The following PRMT8 variants were observed in gnomAD, a reference collection of about 807,000 sequenced individuals.
PRMT8 encodes the protein protein arginine N-methyltransferase 8.
PRMT8 carries 7 observed loss-of-function variants against 47.1 expected under a neutral mutation model. That is an observed-to-expected ratio of 0.15 (90% CI 0.08 to 0.28). The LOEUF (loss-of-function observed/expected upper bound fraction) is 0.28. Ranked by LOEUF, PRMT8 falls within the 10% of genes least tolerant of loss-of-function variation. The probability of loss-of-function intolerance (pLI) is 1.00; values close to 1 mark genes in which losing one functional copy is unlikely to be tolerated. For synonymous variants in PRMT8, 188 were observed against 186.5 expected, an observed-to-expected ratio of 1.01 and a Z score of -0.07; for missense variants, 237 against 505.4, an observed-to-expected ratio of 0.47 and a Z score of 5.09.
intron 1 of PRMT8, among the ~76,000 whole-genome samples, chr12:3,475,292 G>A (rs577258409): frequency 1.5e-3 from 228 of 152,304 alleles, no homozygotes; most frequent in Middle Eastern, 3.4e-3. Context: ...GGGAAGGGCA[G>A]AAAAAAGTCC....
chr12:3,591,813 C>T (rs909066860), intron 8 of PRMT8, among the ~76,000 whole-genome samples: 1 of 152,130 alleles, frequency 6.6e-6, no homozygotes, highest in African/African-American at 2.4e-5. Context: ...GATAGGAGGG[C>T]CTACTCTACA....
intron 1 of PRMT8, among the ~76,000 whole-genome samples, chr12:3,494,626 C>G (rs543030841): frequency 8.5e-5 from 13 of 152,096 alleles, no homozygotes; most frequent in Non-Finnish European, 1.8e-4. Flanking sequence ...AGAAAGTGTT[C>G]GTTCAAAAGC....
chr12:3,517,461 A>G (rs1486356524), intron 1 of PRMT8, among the ~76,000 whole-genome samples: 1 of 152,214 alleles, frequency 6.6e-6, no homozygotes, highest in Non-Finnish European at 1.5e-5. Flanking sequence ...AGACAGCGAA[A>G]GTGACACAGG....
At chr12:3,518,397 CTTT>C (rs58146853) in intron 1 of PRMT8, among the ~76,000 whole-genome samples, 2 of 142,532 alleles carry the variant, frequency 1.4e-5, no homozygotes, top group African/African-American at 5.1e-5. Flanking sequence ...GTTAGGAATT[CTTT>C]TTTTTTTTTA....
upstream of PRMT8, among the ~76,000 whole-genome samples, chr12:3,487,295 C>T (rs1261221979): frequency 6.6e-6 from 1 of 152,210 alleles, no homozygotes; most frequent in Non-Finnish European, 1.5e-5. Context: ...TCGCCCCTTT[C>T]AGCAGCAACG....
chr12:3,540,111 C>T (rs924683220), intron 1 of PRMT8, among the ~76,000 whole-genome samples: 1 of 152,078 alleles, frequency 6.6e-6, no homozygotes, highest in Non-Finnish European at 1.5e-5. Flanking sequence ...AGGCAGGGAC[C>T]ATTTTATTCC....
chr12:3,496,214 A>ATTTTTTTTTTTTTTTT (rs1555085718), intron 1 of PRMT8, among the ~76,000 whole-genome samples: 1 of 27,754 alleles, frequency 3.6e-5, no homozygotes, highest in Non-Finnish European at 7.9e-5. Context: ...ATATATATAT[A>ATTTTTTTTTTTTTTTT]TTTTTTTTTT....
chr12:3,447,332 A>AT (rs1864868879), intron 1 of PRMT8, among the ~76,000 whole-genome samples: 1 of 152,086 alleles, frequency 6.6e-6, no homozygotes, highest in Non-Finnish European at 1.5e-5. Flanking sequence ...AACAATCTTA[A>AT]TTTTATTGGG....
At chr12:3,461,456 G>A (rs1865040204) in intron 1 of PRMT8, among the ~76,000 whole-genome samples, 1 of 152,210 alleles carries the variant, frequency 6.6e-6, no homozygotes, top group Non-Finnish European at 1.5e-5. Context: ...GGGCACTTAA[G>A]TTGGGCTCAT....
upstream of PRMT8, among the ~76,000 whole-genome samples, chr12:3,486,225 G>A (rs1027748292): frequency 2.6e-5 from 4 of 152,008 alleles, no homozygotes; most frequent in Non-Finnish European, 5.9e-5. Context: ...AGGGTCTCCC[G>A]GTCCATATCA....
rs369358055 is a variant in PRMT8, at chr12:3,545,862, G to A, written c.262-4074G>A. ...TTTGAATAATACAATCAAACAACAT[G>A]AGCTAATTGACATTTTTAGAACATT... On this transcript the variant is annotated intron_variant, in intron 2 of 9. Coordinates refer to ENST00000382622, the MANE Select transcript of PRMT8 (RefSeq NM_019854.5). Among the ~76,000 whole-genome samples the A allele has an allele frequency of 2.6e-5, 4 of 152,324 alleles. No individual in the cohort carries two copies. In the South Asian group the frequency reaches 8.3e-4, roughly 32 times the overall value.
intron 1 of PRMT8, among the ~76,000 whole-genome samples, chr12:3,459,445 C>T (rs1406559394): frequency 2.0e-5 from 3 of 152,202 alleles, no homozygotes; most frequent in African/African-American, 7.2e-5. Flanking sequence ...AGTGCCTCTC[C>T]CAGCCCTGTG....
chr12:3,466,258 G>A (rs959950912), intron 1 of PRMT8, among the ~76,000 whole-genome samples: 1 of 152,188 alleles, frequency 6.6e-6, no homozygotes, highest in Non-Finnish European at 1.5e-5. Flanking sequence ...GACATCCTGT[G>A]GGCTCGTGGG....
chr12:3,578,166 G>A (rs1591612927), intron 7 of PRMT8, among the ~76,000 whole-genome samples: 1 of 152,100 alleles, frequency 6.6e-6, no homozygotes, highest in African/African-American at 2.4e-5. Context: ...AGACTGGAGT[G>A]CAGTGGCACA....
intron 1 of PRMT8, among the ~76,000 whole-genome samples, chr12:3,390,150 T>A (rs1336519662): frequency 6.6e-6 from 1 of 152,266 alleles, no homozygotes; most frequent in African/African-American, 2.4e-5. Context: ...CAGCTCCAGC[T>A]GCAGGAGGCC....
intron 1 of PRMT8, among the ~76,000 whole-genome samples, chr12:3,518,128 C>T (rs1366613173): frequency 6.6e-6 from 1 of 151,834 alleles, no homozygotes; most frequent in Non-Finnish European, 1.5e-5. Flanking sequence ...CCATACATGT[C>T]ACAAAGTAGA....
chr12:3,509,302 T>C (rs4766133), intron 1 of PRMT8, among the ~76,000 whole-genome samples: 149,924 of 152,258 alleles, frequency 0.98, 73,860 homozygotes, highest in South Asian at 1. Context: ...CCTACCTCCC[T>C]TCCTCGACTC....
chr12:3,403,750 G>A (rs1018111993), intron 1 of PRMT8, among the ~76,000 whole-genome samples: 3 of 151,572 alleles, frequency 2.0e-5, no homozygotes, highest in Non-Finnish European at 2.9e-5. Context: ...GTAGTGGCAC[G>A]TCTGTAGTCC....
intron 1 of PRMT8, among the ~76,000 whole-genome samples, chr12:3,383,643 G>A (rs1332712622): frequency 6.6e-6 from 1 of 152,220 alleles, no homozygotes; most frequent in Non-Finnish European, 1.5e-5. Context: ...ACCAGACACT[G>A]AATCTGCTGG....
Sources: allele counts gnomAD v4.1 joint callset (sites outside exome capture counted in the v4.1 genomes callset), GRCh38; gene constraint gnomAD v4.1.1; transcripts MANE v1.5; gene names NCBI Gene and HGNC (gene_info 2026-07-23, HGNC 2026-07-21).